Variants in TASP1 observed in about 807,000 individuals in gnomAD.
TASP1 encodes threonine aspartase 1.
Under a neutral mutation model 56.6 loss-of-function variants are expected in TASP1, and 16 were observed. The ratio of observed to expected loss-of-function variants is 0.28; its 90% CI spans 0.19 to 0.43. The LOEUF (loss-of-function observed/expected upper bound fraction) is 0.43, where lower values mean the gene tolerates loss of function less well. Among genes scored for constraint, TASP1 ranks in the 20% least tolerant of loss-of-function variants. The pLI is 1.00. For missense variants in TASP1, 393 were observed against 511.6 expected, an observed-to-expected ratio of 0.77 and a Z score of 2.24; for synonymous variants, 179 against 184.2, an observed-to-expected ratio of 0.97 and a Z score of 0.23.
intron 11 of TASP1, among the ~76,000 whole-genome samples, chr20:13,451,496 G>C (rs2043616099): frequency 6.6e-6 from 1 of 152,036 alleles, no homozygotes; most frequent in Admixed American, 6.6e-5. Context: ...TTCTCCATAA[G>C]GACTTGTTGC....
At chr20:13,182,538 C>T in the TASP1 span, among the ~76,000 whole-genome samples, 1 of 152,142 alleles carries the variant, frequency 6.6e-6, no homozygotes, top group Admixed American at 6.5e-5. Context: ...ATACCCTCAA[C>T]CTCCTCATGA....
intron 11 of TASP1, among the ~76,000 whole-genome samples, chr20:13,455,672 C>T (rs1276052177): frequency 6.6e-6 from 1 of 152,074 alleles, no homozygotes; most frequent in African/African-American, 2.4e-5. Flanking sequence ...CCATCCACAT[C>T]AATTTGCAAG....
chr20:13,301,082 G>A, the TASP1 span, among the ~76,000 whole-genome samples: 9 of 152,312 alleles, frequency 5.9e-5, no homozygotes, highest in Admixed American at 5.2e-4. Flanking sequence ...TCTCTCTACT[G>A]TAGCACATTT....
At chr20:13,424,384 G>A (rs76039791) in intron 12 of TASP1, among the ~76,000 whole-genome samples, 1,650 of 152,248 alleles carry the variant, frequency 0.011, 26 homozygotes, top group Non-Finnish European at 0.012. Flanking sequence ...TCCTGATTTT[G>A]AGTACTTAAT....
At chr20:13,387,184 A>ATTTTTTTTTTTTTTTTTTTTTTTTTTTT (rs779048448), downstream of TASP1, among the ~76,000 whole-genome samples, 10 of 70,704 alleles carry the variant, frequency 1.4e-4, no homozygotes, top group African/African-American at 5.3e-4. Flanking sequence ...ACATGATTTC[A>ATTTTTTTTTTTTTTTTTTTTTTTTTTTT]TTTTTTTTTT....
chr20:13,586,270 T>C (rs2047303059), intron 5 of TASP1, among the ~76,000 whole-genome samples: 1 of 151,166 alleles, frequency 6.6e-6, no homozygotes, highest in South Asian at 2.1e-4. Context: ...AGTAAAAAGC[T>C]AGAAATTTCA....
chr20:13,452,428 A>AAAC (rs139997009), intron 11 of TASP1, among the ~76,000 whole-genome samples: 7,926 of 150,906 alleles, frequency 0.053, 313 homozygotes, highest in African/African-American at 0.11. Flanking sequence ...AAAAAAAAAA[A>AAAC]TTCCTGAAAA....
chr20:13,377,579 T>C, the TASP1 span, among the ~76,000 whole-genome samples: 1 of 152,260 alleles, frequency 6.6e-6, no homozygotes, highest in Non-Finnish European at 1.5e-5. Context: ...AGGATGATGC[T>C]GGCCTCATAA....
At chr20:13,232,602 C>G in the TASP1 span, among the ~76,000 whole-genome samples, 6 of 152,118 alleles carry the variant, frequency 3.9e-5, no homozygotes, top group Non-Finnish European at 8.8e-5. Flanking sequence ...AGGTATAAGC[C>G]TTTGTGTGAA....
chr20:13,169,279 G>A, the TASP1 span, among the ~76,000 whole-genome samples: 4 of 152,038 alleles, frequency 2.6e-5, no homozygotes, highest in Non-Finnish European at 5.9e-5. Context: ...CATCAGATTG[G>A]TAGCTTGAAA....
chr20:13,272,728 C>T, the TASP1 span, among the ~76,000 whole-genome samples: 5 of 152,166 alleles, frequency 3.3e-5, no homozygotes, highest in African/African-American at 1.2e-4. Context: ...GGACTGGCCA[C>T]GTGGTGTGAT....
chr20:13,121,604 C>T, the TASP1 span, among the ~76,000 whole-genome samples: 413 of 152,262 alleles, frequency 2.7e-3, 2 homozygotes, highest in Non-Finnish European at 4.6e-3. Context: ...GAAGAAGACA[C>T]GACCCAGACT....
the TASP1 span, among the ~76,000 whole-genome samples, chr20:13,317,185 T>G: frequency 2.6e-5 from 4 of 151,860 alleles, no homozygotes; most frequent in African/African-American, 9.6e-5. Context: ...CCATTTACAT[T>G]AACACCTCAA....
intron 8 of TASP1, among the ~76,000 whole-genome samples, chr20:13,541,946 G>A (rs1381728073): frequency 6.6e-6 from 1 of 151,538 alleles, no homozygotes; most frequent in Non-Finnish European, 1.5e-5. Context: ...TCGGGAGGCT[G>A]AGGCAGGAGA....
intron 6 of TASP1, among the ~76,000 whole-genome samples, chr20:13,571,611 G>A (rs1308566124): frequency 6.6e-6 from 1 of 152,050 alleles, no homozygotes; most frequent in African/African-American, 2.4e-5. Context: ...GCCTTGCCCT[G>A]TATTCCCTGA....
intron 8 of TASP1, among the ~76,000 whole-genome samples, chr20:13,544,105 T>C (rs997779180): frequency 3.3e-5 from 5 of 152,302 alleles, no homozygotes; most frequent in South Asian, 2.1e-4. Context: ...CTTTAGTCTA[T>C]TGTTCAAAAC....
At chr20:13,249,195 G>C in the TASP1 span, among the ~76,000 whole-genome samples, 3 of 152,112 alleles carry the variant, frequency 2.0e-5, no homozygotes, top group South Asian at 2.1e-4. Flanking sequence ...CGGGAATCAG[G>C]GTTCCTAATG....
chr20:13,335,210 T>C, the TASP1 span, among the ~76,000 whole-genome samples: 6 of 152,194 alleles, frequency 3.9e-5, no homozygotes, highest in East Asian at 9.7e-4. Flanking sequence ...GTAAATGTAT[T>C]TGGGGAGCAT....
At chr20:13,279,466 G>A in the TASP1 span, among the ~76,000 whole-genome samples, 1 of 152,122 alleles carries the variant, frequency 6.6e-6, no homozygotes, top group East Asian at 1.9e-4. Flanking sequence ...GAATTCTTGT[G>A]GACCATCCCT....
Sources: gnomAD v4.1 joint callset for allele counts (sites outside exome capture counted in the v4.1 genomes callset) on GRCh38, gnomAD v4.1.1 for gene constraint, MANE v1.5 for transcripts, NCBI Gene and HGNC (gene_info 2026-07-23, HGNC 2026-07-21) for gene names.